Variants in PRKD3 observed in about 807,000 individuals in gnomAD.
PRKD3 encodes protein kinase D3.
A neutral mutation model predicts 99.2 loss-of-function variants in PRKD3; 47 were observed. That is an observed-to-expected ratio of 0.47 (90% confidence interval 0.38 to 0.60). The LOEUF (loss-of-function observed/expected upper bound fraction) is 0.60, where lower values mean the gene tolerates loss of function less well. PRKD3 is among the 20% of genes least tolerant of loss of function. The pLI is 0.00. For missense variants in PRKD3, 1,019 were observed against 1,088.4 expected, an observed-to-expected ratio of 0.94 and a Z score of 0.90; for synonymous variants, 392 against 355.4, an observed-to-expected ratio of 1.10 and a Z score of -1.16.
intron 4 of PRKD3, among the ~76,000 whole-genome samples, chr2:37,289,730 G>A (rs1670306780): frequency 6.6e-6 from 1 of 152,192 alleles, no homozygotes; most frequent in South Asian, 2.1e-4. Flanking sequence ...AGTGGTTCTT[G>A]AAGTGTGGTC....
intron 6 of PRKD3, among the ~76,000 whole-genome samples, 175 bp downstream of exon 6, chr2:37,285,999 ATAG>A (rs1268316542): frequency 6.6e-6 from 1 of 152,186 alleles, no homozygotes; most frequent in African/African-American, 2.4e-5. Context: ...CACACTGCAG[ATAG>A]TAGTAATAGT....
intron 14 of PRKD3, among the ~76,000 whole-genome samples, chr2:37,266,194 T>TA (rs1253833839): frequency 2.6e-5 from 4 of 152,224 alleles, no homozygotes; most frequent in African/African-American, 9.7e-5. Flanking sequence ...TAAATGTTAC[T>TA]ATTAGCAACA....
At chr2:37,308,893 T>C (rs538275243) in intron 2 of PRKD3, among the ~76,000 whole-genome samples, 4 of 152,310 alleles carry the variant, frequency 2.6e-5, no homozygotes, top group Middle Eastern at 3.4e-3. Flanking sequence ...AAGTACCTTG[T>C]GCTTATCTAT....
chr2:37,295,423 A>G (rs1427400431), intron 2 of PRKD3, among the ~76,000 whole-genome samples: 1 of 152,176 alleles, frequency 6.6e-6, no homozygotes, highest in Non-Finnish European at 1.5e-5. Flanking sequence ...AGCATCATCA[A>G]TGAGAAGTTA....
chr2:37,270,557 G>A (rs1669180101), intron 12 of PRKD3, among the ~76,000 whole-genome samples: 1 of 151,890 alleles, frequency 6.6e-6, no homozygotes, highest in South Asian at 2.1e-4. Flanking sequence ...ATACTAATTT[G>A]GGATGTTTAC....
At chr2:37,309,042 C>T (rs1671298908) in intron 2 of PRKD3, among the ~76,000 whole-genome samples, 1 of 151,804 alleles carries the variant, frequency 6.6e-6, no homozygotes, top group South Asian at 2.1e-4. Flanking sequence ...AAAAGAATAC[C>T]AATAAAAATC....
At chr2:37,321,605 G>A (rs1342170085) in intron 1 of PRKD3, among the ~76,000 whole-genome samples, 4 of 152,220 alleles carry the variant, frequency 2.6e-5, no homozygotes, top group Non-Finnish European at 4.4e-5. Flanking sequence ...GAGAGACACT[G>A]GAGTTATAGA....
intron 3 of PRKD3, among the ~76,000 whole-genome samples, chr2:37,292,384 T>A (rs1447507129): frequency 6.6e-6 from 1 of 151,772 alleles, no homozygotes; most frequent in East Asian, 1.9e-4. Context: ...CTCACTCTGT[T>A]GCCCAGGCTG....
At chr2:37,299,765 G>T (rs1670841136) in intron 2 of PRKD3, among the ~76,000 whole-genome samples, 1 of 152,032 alleles carries the variant, frequency 6.6e-6, no homozygotes, top group Admixed American at 6.6e-5. Flanking sequence ...ACATACAAAT[G>T]CCCGATTGGT....
At chr2:37,299,246 G>A (rs1280785119) in intron 2 of PRKD3, among the ~76,000 whole-genome samples, 1 of 152,060 alleles carries the variant, frequency 6.6e-6, no homozygotes, top group Non-Finnish European at 1.5e-5. Context: ...ATTTGCGTAT[G>A]CTGAACCATC....
At chr2:37,319,153 G>A (rs1671775685) in intron 1 of PRKD3, among the ~76,000 whole-genome samples, 1 of 152,126 alleles carries the variant, frequency 6.6e-6, no homozygotes, top group Admixed American at 6.5e-5. Context: ...AAGGTTTAGA[G>A]ATTAAAGTAC....
chr2:37,275,684 C>T, intron 10 of PRKD3, 83 bp downstream of exon 10: 1 of 1,399,918 alleles, frequency 7.1e-7, no homozygotes, highest in Non-Finnish European at 9.5e-7. Context: ...CATATATATT[C>T]AAATATAACA....
intron 9 of PRKD3, among the ~76,000 whole-genome samples, chr2:37,276,209 A>G (rs1041830509): frequency 6.6e-6 from 1 of 152,090 alleles, no homozygotes; most frequent in African/African-American, 2.4e-5. Context: ...TTGCTGGGTC[A>G]ACAGACATGT....
intron 15 of PRKD3, 85 bp downstream of exon 15, chr2:37,260,138 C>G: frequency 2.4e-6 from 3 of 1,263,142 alleles, no homozygotes; most frequent in Non-Finnish European, 3.3e-6. Flanking sequence ...CACTCCAGCC[C>G]AGGTGACAGA....
chr2:37,260,436 A>G (rs1668332071), intron 14 of PRKD3, 52 bp from the exon 15 acceptor site: 1 of 1,485,928 alleles, frequency 6.7e-7, no homozygotes, highest in African/African-American at 1.4e-5. Flanking sequence ...AAACAGTTTT[A>G]CTAATATCTA....
At chr2:37,294,712 A>G (rs1158149165) in intron 2 of PRKD3, among the ~76,000 whole-genome samples, 2 of 152,232 alleles carry the variant, frequency 1.3e-5, no homozygotes, top group Non-Finnish European at 2.9e-5. Flanking sequence ...ATTCAGTTGG[A>G]GAATAAAATA....
chr2:37,317,812 C>T lies in PRKD3; in HGVS notation c.-655-633G>A, dbSNP rs1350770922. 3 of 152,088 alleles carry T rather than the reference C, an allele frequency of 2.0e-5. No homozygotes were observed. In the East Asian group the frequency reaches 5.8e-4, roughly 29 times the overall value. 9.4% of individuals were successfully genotyped at this position (152,088 alleles called of 1,614,324 possible). On this transcript the variant is annotated intron_variant, in intron 1 of 18. Transcript: ENST00000234179. ...CATAAGGGATTTCTCCTATCCAGGTCCTAACTAGGCCCAACAATGCTTAGC... is the reference window on the plus strand; with the variant it reads ...CATAAGGGATTTCTCCTATCCAGGTTCTAACTAGGCCCAACAATGCTTAGC...
chr2:37,287,844 C>G (rs374080518), intron 5 of PRKD3, among the ~76,000 whole-genome samples: 24 of 152,260 alleles, frequency 1.6e-4, no homozygotes, highest in African/African-American at 5.8e-4. Flanking sequence ...TTAATTCATG[C>G]CTTCTTTAAT....
chr2:37,303,602 G>C (rs765873615), intron 2 of PRKD3, among the ~76,000 whole-genome samples: 3 of 151,982 alleles, frequency 2.0e-5, no homozygotes, highest in East Asian at 1.9e-4. Context: ...TCCTGCACTC[G>C]TTTGCTCACA....
Sources: allele counts gnomAD v4.1 joint callset (sites outside exome capture counted in the v4.1 genomes callset), GRCh38; gene constraint gnomAD v4.1.1; transcripts MANE v1.5; gene names NCBI Gene and HGNC (gene_info 2026-07-23, HGNC 2026-07-21).